Variants in LMBRD1 observed in about 807,000 individuals in gnomAD.
The protein encoded by LMBRD1 is lysosomal cobalamin transport escort protein LMBD1.
LMBRD1 carries 64 observed loss-of-function variants against 74.8 expected under a neutral mutation model. That is an observed-to-expected ratio of 0.86 (90% CI 0.70 to 1.05). The LOEUF is 1.05. Among genes scored for constraint, LMBRD1 ranks in the 50% least tolerant of loss-of-function variants. The probability of loss-of-function intolerance (pLI) is 0.00; values close to 1 mark genes in which losing one functional copy is unlikely to be tolerated. For missense variants in LMBRD1, 652 were observed against 645.9 expected (o/e 1.01, Z -0.10); for synonymous variants, 204 against 216.3 (o/e 0.94, Z 0.50).
intron 7 of LMBRD1, among the ~76,000 whole-genome samples, chr6:69,721,759 G>T (rs1047310387): frequency 3.9e-5 from 6 of 152,182 alleles, no homozygotes; most frequent in Non-Finnish European, 7.3e-5. Context: ...GACTCTTGAG[G>T]TCCCCAAGTC....
At chr6:69,698,162 CT>C (rs1373710007) in intron 13 of LMBRD1, among the ~76,000 whole-genome samples, 2 of 152,016 alleles carry the variant, frequency 1.3e-5, no homozygotes, top group African/African-American at 4.8e-5. Context: ...ATGATCAGTG[CT>C]TTATCTGTTT....
At position 69,676,054 on chromosome 6, in the gene LMBRD1, T is replaced by C; in HGVS notation, c.*104A>G. ...TAGTTGTCTTATAGCCATGCTCCCA[T>C]TTTTGATGAAAGCTAGTTAGCAAAT... On this transcript the variant is annotated 3_prime_UTR_variant, in exon 16 of 16. Transcript: ENST00000649934. 1.2e-6 allele frequency: 1 copy of C among 865,656 alleles called. No homozygotes were observed. Among genetic ancestry groups the C allele is most frequent in the Non-Finnish European group, 1.9e-6 (1 of 521,550 alleles). The allele number at this position is 865,656 out of a possible 1,614,324, so 53.6% of individuals were successfully genotyped here.
intron 9 of LMBRD1, among the ~76,000 whole-genome samples, chr6:69,704,230 T>A (rs1766198951): frequency 1.3e-5 from 2 of 152,220 alleles, no homozygotes; most frequent in South Asian, 4.1e-4. Flanking sequence ...AATCTTGTTC[T>A]CACCAAACTT....
intron 7 of LMBRD1, among the ~76,000 whole-genome samples, chr6:69,731,349 G>A (rs1766853858): frequency 1.3e-5 from 2 of 152,028 alleles, no homozygotes; most frequent in Non-Finnish European, 2.9e-5. Flanking sequence ...AATGTTTAAG[G>A]TGATGGATAT....
chr6:69,788,687 C>T (rs1236798228), intron 2 of LMBRD1, among the ~76,000 whole-genome samples: 1 of 152,120 alleles, frequency 6.6e-6, no homozygotes, highest in Non-Finnish European at 1.5e-5. Flanking sequence ...TAAAATTAGT[C>T]ATTTTCTCTA....
rs544011240 is a variant in LMBRD1 at position 69,796,930 on chromosome 6, G to A, written c.-49C>T. ...CTGAGCGCCCGGGGTGGGGAAAGGGGAGGGGGAAAGGGGAGAGAGCGCGAG... is the reference window on the plus strand; with the variant it reads ...CTGAGCGCCCGGGGTGGGGAAAGGGAAGGGGGAAAGGGGAGAGAGCGCGAG... On this transcript the variant is annotated 5_prime_UTR_variant, in exon 1 of 16. Transcript: ENST00000649934. 17 of 1,527,370 alleles carry A rather than the reference G, an allele frequency of 1.1e-5. No individual in the cohort carries two copies. The African/African-American group carries it at 1.2e-4, about 11-fold the overall frequency. 94.6% of individuals were successfully genotyped at this position (1,527,370 alleles called of 1,614,324 possible).
intron 11 of LMBRD1, 60 bp downstream of exon 11, chr6:69,701,383 T>C (rs1034907686): frequency 4.1e-6 from 4 of 968,930 alleles, no homozygotes; most frequent in African/African-American, 3.2e-5. Context: ...GAATGTTTGC[T>C]AGACTCTAGC....
chr6:69,728,771 A>G (rs9454879), intron 7 of LMBRD1, among the ~76,000 whole-genome samples: 1,604 of 152,250 alleles, frequency 0.011, 36 homozygotes, highest in African/African-American at 0.034. Flanking sequence ...CATTCCTCTA[A>G]TTAACATCCT....
At chr6:69,752,837 T>A (rs901175507) in intron 3 of LMBRD1, among the ~76,000 whole-genome samples, 7 of 152,108 alleles carry the variant, frequency 4.6e-5, no homozygotes, top group African/African-American at 1.7e-4. Context: ...ATCTCAAGTT[T>A]AAAAAAATAT....
At chr6:69,755,917 T>C (rs1007463436) in intron 3 of LMBRD1, among the ~76,000 whole-genome samples, 8 of 152,216 alleles carry the variant, frequency 5.3e-5, no homozygotes, top group African/African-American at 1.9e-4. Flanking sequence ...TTTCTGGTGC[T>C]CCTAATCTTG....
At chr6:69,728,608 A>G in intron 7 of LMBRD1, among the ~76,000 whole-genome samples, 1 of 152,200 alleles carries the variant, frequency 6.6e-6, no homozygotes, top group Non-Finnish European at 1.5e-5. Context: ...TGCTCTAGTC[A>G]GTATTAACAA....
At chr6:69,796,723 C>T (rs1355935240) in intron 1 of LMBRD1, 90 bp downstream of exon 1, 2 of 1,230,184 alleles carry the variant, frequency 1.6e-6, no homozygotes, top group East Asian at 2.5e-5. Context: ...CGAAGAGGGT[C>T]TCCGGGGCCC....
chr6:69,679,248 T>C (rs768876117), intron 14 of LMBRD1, among the ~76,000 whole-genome samples: 5 of 152,128 alleles, frequency 3.3e-5, no homozygotes, highest in African/African-American at 4.8e-5. Flanking sequence ...AGAAAGCCTT[T>C]AAGCAGCATT....
chr6:69,707,633 T>C (rs1038784656), intron 9 of LMBRD1, among the ~76,000 whole-genome samples: 4 of 152,164 alleles, frequency 2.6e-5, no homozygotes, highest in Admixed American at 2.6e-4. Flanking sequence ...TCTATCTTCT[T>C]TCTGAAGAAA....
chr6:69,793,620 A>AGCG (rs1561923407), intron 1 of LMBRD1, among the ~76,000 whole-genome samples: 3 of 151,942 alleles, frequency 2.0e-5, no homozygotes, highest in African/African-American at 4.8e-5. Flanking sequence ...GATTACAGGC[A>AGCG]TGAGATACCA....
chr6:69,741,740 G>T, intron 6 of LMBRD1, 49 bp downstream of exon 6: 1 of 1,123,528 alleles, frequency 8.9e-7, no homozygotes, highest in Non-Finnish European at 1.3e-6. Flanking sequence ...AAAGTCCAAA[G>T]TATCAGGAAA....
At chr6:69,720,705 T>C (rs1002026760) in intron 7 of LMBRD1, among the ~76,000 whole-genome samples, 3 of 152,220 alleles carry the variant, frequency 2.0e-5, no homozygotes, top group African/African-American at 7.2e-5. Flanking sequence ...ACACCATTCA[T>C]CTTCCTCACT....
At chr6:69,773,736 A>T (rs1253215235) in intron 3 of LMBRD1, among the ~76,000 whole-genome samples, 2 of 152,236 alleles carry the variant, frequency 1.3e-5, no homozygotes, top group Non-Finnish European at 2.9e-5. Context: ...ACAATGCAGT[A>T]AAAATCTTTT....
chr6:69,701,409 A>G, intron 11 of LMBRD1, 34 bp downstream of exon 11: 1 of 1,151,144 alleles, frequency 8.7e-7, no homozygotes, highest in Non-Finnish European at 1.3e-6. Context: ...ATACTCTAGC[A>G]GCTACAGTAT....
Sources: allele counts gnomAD v4.1 joint callset (sites outside exome capture counted in the v4.1 genomes callset), GRCh38; gene constraint gnomAD v4.1.1; transcripts MANE v1.5; gene names NCBI Gene and HGNC (gene_info 2026-07-23, HGNC 2026-07-21).